The following MORN3 variants were observed in gnomAD, a reference collection of about 807,000 sequenced individuals.
MORN3 encodes the protein MORN repeat containing 3.
Under a neutral mutation model 34.7 loss-of-function variants are expected in MORN3, and 38 were observed. The observed-to-expected ratio is 1.10, with a 90% CI of 0.85 to 1.44. MORN3 has a LOEUF of 1.44. Ranked by LOEUF, MORN3 falls within the 40% of genes most tolerant of loss-of-function variation. MORN3 has a pLI of 0.00. For missense variants in MORN3, 311 were observed against 321.7 expected (o/e 0.97, Z 0.25); for synonymous variants, 109 against 115.3 (o/e 0.95, Z 0.35).
At position 121,659,058 on chromosome 12, in the gene MORN3, C is replaced by T. The variant is rs534653943; in HGVS notation, c.303+133G>A. 8.1e-6 allele frequency: 10 copies of T among 1,229,604 alleles called. No individual in the cohort carries two copies. In the East Asian group the frequency reaches 1.8e-4, roughly 22 times the overall value. The allele number at this position is 1,229,604 out of a possible 1,614,324, so 76.2% of individuals were successfully genotyped here. On this transcript the variant is annotated intron_variant, in intron 2 of 5. Transcript: ENST00000355329. ...CCCCTTCCTTCTCCCACGAGCAGCA[C>T]AACCCTGTCCTCCTCCCTGTAGACC...
intron 1 of MORN3, among the ~76,000 whole-genome samples, chr12:121,659,796 C>T (rs902908855): frequency 2.0e-4 from 30 of 151,806 alleles, no homozygotes; most frequent in Non-Finnish European, 3.1e-4. Flanking sequence ...TCCCAAAGTG[C>T]TGGGATTACA....
At position 121,654,295 on chromosome 12, in the gene MORN3, C is replaced by A. The variant is rs781925067; in HGVS notation, c.442G>T (p.Gly148Trp). ...EGQWENDKPN[G>W]EGMLRLKNGN... ...TCACTCAGGCGCAGCATGCCCTCCC[C>A]GTTGGGCTTGTCGTTCTCCCACTGT... Residue 148 changes from glycine (G) to tryptophan (W), a missense_variant, in exon 3 of 6, where the codon GGG (glycine) becomes TGG (tryptophan). By Grantham distance (184) the Gly-to-Trp change is radical. Coordinates refer to ENST00000355329, the MANE Select transcript of MORN3 (RefSeq NM_173855.5). 29 of 1,591,638 alleles carry A rather than the reference C, an allele frequency of 1.8e-5. No homozygotes were observed. The South Asian group carries it at 2.5e-4, about 14-fold the overall frequency.
At chr12:121,652,150 A>AGTC (rs1413500590) in intron 5 of MORN3, among the ~76,000 whole-genome samples, 1 of 151,530 alleles carries the variant, frequency 6.6e-6, no homozygotes, top group East Asian at 1.9e-4. Context: ...TGGCCAAGCT[A>AGTC]GTCTTGAACT....
intron 1 of MORN3, among the ~76,000 whole-genome samples, chr12:121,661,298 A>C (rs1053222267): frequency 2.0e-5 from 3 of 152,144 alleles, no homozygotes. Flanking sequence ...TATGTTACCC[A>C]GGCTGGTCTT....
chr12:121,671,175 A>G (rs1006726597), upstream of MORN3, among the ~76,000 whole-genome samples: 3 of 150,740 alleles, frequency 2.0e-5, no homozygotes, highest in African/African-American at 7.3e-5. Flanking sequence ...TGGGAGGCCG[A>G]GGCGGGTGGA....
At chr12:121,671,604 G>T (rs961747643), upstream of MORN3, among the ~76,000 whole-genome samples, 1 of 151,964 alleles carries the variant, frequency 6.6e-6, no homozygotes, top group Non-Finnish European at 1.5e-5. Context: ...TAGCAAGGCC[G>T]GGAGCGGTGG....
chr12:121,657,517 C>A (rs1594225765), intron 2 of MORN3, among the ~76,000 whole-genome samples: 1 of 152,154 alleles, frequency 6.6e-6, no homozygotes, highest in Middle Eastern at 3.4e-3. Context: ...CCCCACCCAC[C>A]AAGTTATCCT....
At chr12:121,662,230 G>T (rs1893605542) in intron 1 of MORN3, among the ~76,000 whole-genome samples, 1 of 152,134 alleles carries the variant, frequency 6.6e-6, no homozygotes, top group Non-Finnish European at 1.5e-5. Flanking sequence ...AATTTGGGAG[G>T]CTGAGGCAGG....
At chr12:121,668,252 CAG>C (rs989751660) in intron 1 of MORN3, among the ~76,000 whole-genome samples, 2 of 151,722 alleles carry the variant, frequency 1.3e-5, no homozygotes, top group African/African-American at 4.8e-5. Flanking sequence ...GTTAAGAGCA[CAG>C]AATTGGGCTG....
At chr12:121,664,896 T>C (rs1893696065) in intron 1 of MORN3, among the ~76,000 whole-genome samples, 1 of 144,054 alleles carries the variant, frequency 6.9e-6, no homozygotes, top group Non-Finnish European at 1.5e-5. Context: ...AAGACACTGA[T>C]GGATGCTCAT....
chr12:121,650,065 T>A lies in MORN3; in HGVS notation c.*1586A>T, dbSNP rs1334291901. ...AGTTTAAAACCACCGCCTTATCTCA[T>A]CCTCACAGTAACTAACCACAGTAAC... is the stretch of plus-strand genomic sequence containing the variant. On this transcript the variant is annotated 3_prime_UTR_variant, in exon 6 of 6. Transcript: ENST00000355329. The A allele has an allele frequency of 6.6e-6, 1 of 151,978 alleles. No individual in the cohort carries two copies. Among genetic ancestry groups the A allele is most frequent in the Non-Finnish European group, 1.5e-5 (1 of 68,012 alleles). The allele number at this position is 151,978 out of a possible 1,614,324, so 9.4% of individuals were successfully genotyped here.
chr12:121,672,293 C>G (rs1317066663), upstream of MORN3, among the ~76,000 whole-genome samples: 6 of 147,638 alleles, frequency 4.1e-5, no homozygotes, highest in African/African-American at 1.0e-4. Context: ...GACCTTATCT[C>G]TACAAAAAAA....
chr12:121,664,232 T>C (rs1252597352), intron 1 of MORN3, among the ~76,000 whole-genome samples: 1 of 152,178 alleles, frequency 6.6e-6, no homozygotes, highest in Non-Finnish European at 1.5e-5. Context: ...TGAACTTGCA[T>C]TACTGAAGCC....
At chr12:121,670,368 C>A (rs1347597272), upstream of MORN3, among the ~76,000 whole-genome samples, 2 of 152,112 alleles carry the variant, frequency 1.3e-5, no homozygotes, top group Non-Finnish European at 2.9e-5. Context: ...TACTATTAAT[C>A]TTTATATGTA....
At chr12:121,663,473 C>T (rs1362307581) in intron 1 of MORN3, among the ~76,000 whole-genome samples, 2 of 152,206 alleles carry the variant, frequency 1.3e-5, no homozygotes, top group Non-Finnish European at 2.9e-5. Flanking sequence ...GCTGGGATTA[C>T]AGGCGTAAGC....
At chr12:121,655,521 C>G (rs1325713430) in intron 2 of MORN3, among the ~76,000 whole-genome samples, 1 of 150,902 alleles carries the variant, frequency 6.6e-6, no homozygotes, top group Non-Finnish European at 1.5e-5. Flanking sequence ...ACCAGCCTGA[C>G]CAACGTGGCA....
chr12:121,661,591 G>A (rs367999863), intron 1 of MORN3, among the ~76,000 whole-genome samples: 3 of 151,934 alleles, frequency 2.0e-5, no homozygotes, highest in East Asian at 3.9e-4. Flanking sequence ...ATATCTTATG[G>A]GGGGGCTGGG....
In MORN3 at chr12:121,669,516, G is replaced by A; in HGVS notation, c.-33C>T. The A allele has an allele frequency of 6.2e-7, 1 of 1,611,302 alleles. No individual in the cohort carries two copies. Among genetic ancestry groups the A allele is most frequent in the Middle Eastern group, 1.7e-4 (1 of 6,044 alleles). ...GCTTCTGCAAGGCTGGAGGGTGCTG[G>A]AAAGGGGTTAGGGACATCTGGGGCT... On this transcript the variant is annotated 5_prime_UTR_variant, in exon 1 of 6. Transcript: ENST00000355329.
At position 121,669,601 on chromosome 12, in the gene MORN3, T is replaced by G. The variant is rs1358496915; in HGVS notation, c.-118A>C. On this transcript the variant is annotated 5_prime_UTR_variant, in exon 1 of 6. Coordinates refer to ENST00000355329, the MANE Select transcript of MORN3 (RefSeq NM_173855.5). ...CAAGTGGGGAGAGTCATGTGTGTTC[T>G]GAGTCCCTGGGGCAGGTGAACAGCC... 9 of 1,413,416 alleles carry G rather than the reference T, an allele frequency of 6.4e-6. No individual in the cohort carries two copies. The East Asian group carries it at 1.9e-4, about 31-fold the overall frequency. 87.6% of individuals were successfully genotyped at this position (1,413,416 alleles called of 1,614,324 possible).
Sources: gnomAD v4.1 joint callset for allele counts (sites outside exome capture counted in the v4.1 genomes callset) on GRCh38, gnomAD v4.1.1 for gene constraint, MANE v1.5 for transcripts, NCBI Gene and HGNC (gene_info 2026-07-23, HGNC 2026-07-21) for gene names.